The following DAB1 variants were observed in gnomAD, a reference collection of about 807,000 sequenced individuals.
DAB1 encodes the protein DAB adaptor protein 1, also known as disabled homolog 1.
In DAB1, 15 loss-of-function variants were observed where a neutral mutation model predicts 64.6. The observed-to-expected ratio is 0.23, with a 90% CI of 0.16 to 0.36. DAB1 has a LOEUF of 0.36. Ranked by LOEUF, DAB1 falls within the 10% of genes least tolerant of loss-of-function variation. The probability of loss-of-function intolerance (pLI) is 1.00; values close to 1 mark genes in which losing one functional copy is unlikely to be tolerated. For missense variants in DAB1, 596 were observed against 706.7 expected (o/e 0.84, Z 1.78); for synonymous variants, 235 against 251.9 (o/e 0.93, Z 0.64).
chr1:58,088,168 T>C (rs1036097650), intron 5 of DAB1, among the ~76,000 whole-genome samples: 2 of 152,200 alleles, frequency 1.3e-5, no homozygotes, highest in African/African-American at 4.8e-5. Flanking sequence ...GAAGTCAAAA[T>C]TGAGGATTCC....
At chr1:57,763,582 G>A (rs1179685833) in intron 6 of DAB1, among the ~76,000 whole-genome samples, 1 of 152,170 alleles carries the variant, frequency 6.6e-6, no homozygotes, top group East Asian at 1.9e-4. Context: ...GGGAGGCAGA[G>A]GTAGGAGGAT....
chr1:58,099,231 C>T (rs1570350865), intron 5 of DAB1, among the ~76,000 whole-genome samples: 1 of 152,290 alleles, frequency 6.6e-6, no homozygotes, highest in Non-Finnish European at 1.5e-5. Flanking sequence ...AGTTCTCAGA[C>T]AGAACTTTCT....
At chr1:58,482,414 T>C (rs1645503453) in intron 3 of DAB1, among the ~76,000 whole-genome samples, 1 of 152,206 alleles carries the variant, frequency 6.6e-6, no homozygotes, top group Non-Finnish European at 1.5e-5. Context: ...TTAGAACTAT[T>C]TAACTCTTCA....
At chr1:57,918,751 G>A (rs925453934) in intron 5 of DAB1, among the ~76,000 whole-genome samples, 1 of 152,134 alleles carries the variant, frequency 6.6e-6, no homozygotes, top group Admixed American at 6.5e-5. Context: ...GTGAACCCAG[G>A]AGGCAGAGCT....
intron 3 of DAB1, among the ~76,000 whole-genome samples, chr1:58,441,086 T>C (rs1645003087): frequency 1.3e-5 from 2 of 152,188 alleles, no homozygotes; most frequent in South Asian, 2.1e-4. Context: ...CCCAGAAGAC[T>C]GGGCCTGCAC....
chr1:58,291,638 T>C (rs1661840049), intron 4 of DAB1, among the ~76,000 whole-genome samples: 1 of 152,218 alleles, frequency 6.6e-6, no homozygotes, highest in Non-Finnish European at 1.5e-5. Flanking sequence ...ACTTACTGAA[T>C]GTTTACTATG....
intron 3 of DAB1, among the ~76,000 whole-genome samples, chr1:58,369,445 A>G (rs1468214634): frequency 6.6e-6 from 1 of 152,240 alleles, no homozygotes; most frequent in East Asian, 1.9e-4. Context: ...AACAGACTGT[A>G]CTTTTTTCTT....
In DAB1 at chr1:57,009,395, C is replaced by T. The variant is rs375772965; in HGVS notation, c.*15+1285G>A. ...GCATGGCATGACATATTATTATGTG[C>T]TATTGCACTGATACAAAATGTGGCA... On this transcript the variant is annotated intron_variant, in intron 14 of 14. Transcript: ENST00000371236. 1.9e-4 allele frequency among the ~76,000 whole-genome samples: 29 copies of T among 152,288 alleles called. No homozygotes were observed. In the South Asian group the frequency reaches 5.8e-3, roughly 30 times the overall value.
At chr1:57,589,598 A>T (rs1353643194) in intron 7 of DAB1, among the ~76,000 whole-genome samples, 1 of 152,088 alleles carries the variant, frequency 6.6e-6, no homozygotes, top group Non-Finnish European at 1.5e-5. Flanking sequence ...CTCTACTAAA[A>T]ATACAGAAAT....
chr1:58,219,015 CTCTCTCTCTCTG>C (rs1167237047), intron 4 of DAB1, among the ~76,000 whole-genome samples: 1 of 124,220 alleles, frequency 8.1e-6, no homozygotes. Context: ...CTCTCTCTCT[CTCTCTCTCTCTG>C]TGTGTGTGTG....
At chr1:57,943,035 C>T (rs1645127297) in intron 5 of DAB1, among the ~76,000 whole-genome samples, 1 of 152,144 alleles carries the variant, frequency 6.6e-6, no homozygotes, top group Non-Finnish European at 1.5e-5. Flanking sequence ...CCAAAAATTA[C>T]TACCATCCTT....
At chr1:58,450,849 T>C (rs1569813975) in intron 3 of DAB1, among the ~76,000 whole-genome samples, 1 of 152,174 alleles carries the variant, frequency 6.6e-6, no homozygotes, top group East Asian at 1.9e-4. Flanking sequence ...AGTCAGCAGT[T>C]ATGTTGGTAT....
chr1:58,216,519 A>G (rs1490060057), intron 4 of DAB1, among the ~76,000 whole-genome samples: 1 of 152,176 alleles, frequency 6.6e-6, no homozygotes, highest in African/African-American at 2.4e-5. Flanking sequence ...TAGTAGAATG[A>G]TTTACAACCC....
chr1:58,398,172 A>G (rs1644538788), intron 3 of DAB1, among the ~76,000 whole-genome samples: 1 of 152,198 alleles, frequency 6.6e-6, no homozygotes, highest in South Asian at 2.1e-4. Flanking sequence ...GAAGAGACTC[A>G]AGCTACTCTG....
intron 4 of DAB1, among the ~76,000 whole-genome samples, chr1:57,109,567 G>T (rs1230356356): frequency 1.6e-5 from 2 of 128,884 alleles, no homozygotes; most frequent in Non-Finnish European, 3.3e-5. Context: ...TAGTAGCTTT[G>T]CTTTTTCCTC....
At chr1:57,739,353 G>A (rs1647850454) in intron 6 of DAB1, among the ~76,000 whole-genome samples, 1 of 148,328 alleles carries the variant, frequency 6.7e-6, no homozygotes. Context: ...ATATTGAGGA[G>A]TCAGGGAAGA....
intron 6 of DAB1, among the ~76,000 whole-genome samples, chr1:57,796,737 T>G (rs1346349807): frequency 6.6e-6 from 1 of 152,072 alleles, no homozygotes; most frequent in Non-Finnish European, 1.5e-5. Flanking sequence ...ACCATCAGCC[T>G]TGACTGCTTG....
chr1:57,569,776 A>G (rs1476129793), intron 7 of DAB1, among the ~76,000 whole-genome samples: 1 of 152,144 alleles, frequency 6.6e-6, no homozygotes, highest in East Asian at 1.9e-4. Flanking sequence ...TCTTCATTTT[A>G]TTTCCTTTCT....
intron 3 of DAB1, among the ~76,000 whole-genome samples, chr1:58,500,190 T>C (rs945915686): frequency 1.3e-5 from 2 of 151,992 alleles, no homozygotes; most frequent in African/African-American, 4.8e-5. Flanking sequence ...CACCATAATA[T>C]TTTTTTTAAG....
Sources: allele counts gnomAD v4.1 joint callset (sites outside exome capture counted in the v4.1 genomes callset), GRCh38; gene constraint gnomAD v4.1.1; transcripts MANE v1.5; gene names NCBI Gene and HGNC (gene_info 2026-07-23, HGNC 2026-07-21).